SPOP: variants seen among roughly 807,000 people sequenced by gnomAD.
SPOP encodes the protein speckle type BTB/POZ protein.
In SPOP, 11 loss-of-function variants were observed where a neutral mutation model predicts 45.6. That is an observed-to-expected ratio of 0.24 (90% CI 0.15 to 0.40). The LOEUF (loss-of-function observed/expected upper bound fraction) is 0.40. Ranked by LOEUF, SPOP falls within the 10% of genes least tolerant of loss-of-function variation. The probability of loss-of-function intolerance (pLI) is 1.00; values close to 1 mark genes in which losing one functional copy is unlikely to be tolerated. For synonymous variants in SPOP, 166 were observed against 166.3 expected (o/e 1.00, Z 0.01); for missense variants, 152 against 465.6 (o/e 0.33, Z 6.20).
intron 1 of SPOP, among the ~76,000 whole-genome samples, chr17:49,662,541 G>A (rs1226597957): frequency 6.6e-6 from 1 of 152,024 alleles, no homozygotes; most frequent in Non-Finnish European, 1.5e-5. Flanking sequence ...AATTAGCCGG[G>A]CACCACCACA....
At chr17:49,611,703 C>T (rs543485606) in intron 5 of SPOP, among the ~76,000 whole-genome samples, 1 of 152,276 alleles carries the variant, frequency 6.6e-6, no homozygotes, top group Admixed American at 6.5e-5. Flanking sequence ...TCTTTTTCCC[C>T]CAGTTTCTAA....
chr17:49,667,178 TAAAA>T (rs36082208), intron 1 of SPOP, among the ~76,000 whole-genome samples: 1 of 103,612 alleles, frequency 9.7e-6, no homozygotes, highest in African/African-American at 4.0e-5. Context: ...AACGCTGTCT[TAAAA>T]AAAAAAAAAA....
intron 5 of SPOP, among the ~76,000 whole-genome samples, chr17:49,615,094 A>G (rs755699603): frequency 5.9e-5 from 9 of 152,106 alleles, no homozygotes; most frequent in Non-Finnish European, 1.0e-4. Context: ...TCTGGGCTTG[A>G]ATGATCCTCC....
intron 5 of SPOP, among the ~76,000 whole-genome samples, chr17:49,614,775 G>T (rs2072045253): frequency 6.6e-6 from 1 of 150,788 alleles, no homozygotes; most frequent in African/African-American, 2.4e-5. Flanking sequence ...TTAAAATTTA[G>T]CAAAAATACC....
At chr17:49,671,674 GA>G (rs2073137559) in intron 1 of SPOP, among the ~76,000 whole-genome samples, 1 of 151,852 alleles carries the variant, frequency 6.6e-6, no homozygotes, top group Non-Finnish European at 1.5e-5. Flanking sequence ...AAGTGTTAAA[GA>G]AAAAAAATTA....
At chr17:49,676,754 G>GT (rs2073204249) in intron 1 of SPOP, among the ~76,000 whole-genome samples, 1 of 152,072 alleles carries the variant, frequency 6.6e-6, no homozygotes, top group South Asian at 2.1e-4. Flanking sequence ...GATGGCAGAG[G>GT]TAAGCAGCAG....
intron 1 of SPOP, among the ~76,000 whole-genome samples, chr17:49,672,378 T>C (rs972587566): frequency 1.3e-5 from 2 of 152,020 alleles, no homozygotes; most frequent in African/African-American, 2.4e-5. Flanking sequence ...AGGGGGAAAA[T>C]TGTCTTTACA....
At chr17:49,648,827 G>C (rs2072798464) in intron 1 of SPOP, among the ~76,000 whole-genome samples, 1 of 152,048 alleles carries the variant, frequency 6.6e-6, no homozygotes. Flanking sequence ...GGCGGATCTC[G>C]ACTCACTGCA....
intron 1 of SPOP, among the ~76,000 whole-genome samples, chr17:49,663,848 G>C (rs1317716132): frequency 2.0e-5 from 3 of 152,174 alleles, no homozygotes; most frequent in African/African-American, 7.2e-5. Flanking sequence ...TAAAAACCAG[G>C]CTTCTAGAGA....
intron 1 of SPOP, among the ~76,000 whole-genome samples, chr17:49,624,327 G>GCA (rs1407406000): frequency 2.2e-5 from 2 of 92,548 alleles, no homozygotes; most frequent in Non-Finnish European, 4.5e-5. Context: ...ACACGCGCGC[G>GCA]CGCGCACACA....
intron 5 of SPOP, among the ~76,000 whole-genome samples, chr17:49,611,885 A>G (rs1221264104): frequency 1.3e-5 from 1 of 75,134 alleles, no homozygotes; most frequent in Non-Finnish European, 2.3e-5. Context: ...GAATCTGATC[A>G]CTTTTTTTTT....
At chr17:49,601,655 A>G (rs1037867123) in intron 9 of SPOP, 6 of 549,520 alleles carry the variant, frequency 1.1e-5, no homozygotes, top group Non-Finnish European at 1.2e-5. Context: ...TCGATTCACT[A>G]TGAGGAAGTA....
At chr17:49,648,602 G>A (rs2072794183) in intron 1 of SPOP, among the ~76,000 whole-genome samples, 1 of 152,170 alleles carries the variant, frequency 6.6e-6, no homozygotes. Context: ...GGTGCACTTA[G>A]AATAATCACA....
At chr17:49,623,010 ATT>A (rs879417823) in intron 1 of SPOP, 134 bp from the exon 2 acceptor site, 597 of 390,014 alleles carry the variant, frequency 1.5e-3, no homozygotes, top group South Asian at 2.3e-3. Context: ...AGGTCCTAAA[ATT>A]TTTTTTTTTT....
intron 1 of SPOP, among the ~76,000 whole-genome samples, chr17:49,640,314 T>C (rs1797985182): frequency 6.6e-6 from 1 of 152,040 alleles, no homozygotes; most frequent in Non-Finnish European, 1.5e-5. Context: ...GATGTCTATC[T>C]AGCCTCCAAT....
intron 1 of SPOP, among the ~76,000 whole-genome samples, chr17:49,660,147 A>C (rs981012792): frequency 7.2e-5 from 11 of 152,202 alleles, no homozygotes; most frequent in African/African-American, 2.7e-4. Flanking sequence ...ACTGCTCTAC[A>C]ACATTTGGAC....
At chr17:49,643,203 A>C (rs1175213597) in intron 1 of SPOP, among the ~76,000 whole-genome samples, 3 of 152,250 alleles carry the variant, frequency 2.0e-5, no homozygotes, top group African/African-American at 7.2e-5. Context: ...AAACGCTTGC[A>C]GCAGGCAGAG....
chr17:49,675,650 G>A (rs764886610), intron 1 of SPOP, among the ~76,000 whole-genome samples: 19 of 152,068 alleles, frequency 1.2e-4, no homozygotes, highest in South Asian at 2.1e-4. Context: ...AACAATATTC[G>A]TCTTAATCTA....
At chr17:49,632,913 T>G (rs1448715241) in intron 1 of SPOP, among the ~76,000 whole-genome samples, 1 of 152,254 alleles carries the variant, frequency 6.6e-6, no homozygotes, top group Non-Finnish European at 1.5e-5. Context: ...AACTAACATT[T>G]ATTAAATACA....
Sources: gnomAD v4.1 joint callset for allele counts (sites outside exome capture counted in the v4.1 genomes callset) on GRCh38, gnomAD v4.1.1 for gene constraint, MANE v1.5 for transcripts, NCBI Gene and HGNC (gene_info 2026-07-23, HGNC 2026-07-21) for gene names.